PLCL2: variants seen among roughly 807,000 people sequenced by gnomAD.
PLCL2 encodes the protein inactive phospholipase C-like protein 2.
PLCL2 carries 4 observed loss-of-function variants against 79.6 expected under a neutral mutation model. The ratio of observed to expected loss-of-function variants is 0.05; its 90% CI spans 0.02 to 0.11. The LOEUF (loss-of-function observed/expected upper bound fraction) is 0.11, where lower values mean the gene tolerates loss of function less well. Among genes scored for constraint, PLCL2 ranks in the 10% least tolerant of loss-of-function variants. PLCL2 has a pLI of 1.00. For missense variants in PLCL2, 895 were observed against 1,291.0 expected, an observed-to-expected ratio of 0.69 and a Z score of 4.70; for synonymous variants, 484 against 457.7, an observed-to-expected ratio of 1.06 and a Z score of -0.73.
At chr3:17,005,966 A>G (rs1033729931) in intron 1 of PLCL2, among the ~76,000 whole-genome samples, 4 of 152,178 alleles carry the variant, frequency 2.6e-5, no homozygotes, top group African/African-American at 9.7e-5. Flanking sequence ...GAAATAGTTT[A>G]TACTATTTTT....
chr3:17,006,616 A>G (rs2064262670), intron 1 of PLCL2, among the ~76,000 whole-genome samples: 1 of 152,206 alleles, frequency 6.6e-6, no homozygotes, highest in African/African-American at 2.4e-5. Flanking sequence ...GCAACAGCAG[A>G]TGGAGGGAGA....
intron 2 of PLCL2, among the ~76,000 whole-genome samples, chr3:17,013,863 G>A (rs139445651): frequency 6.6e-6 from 1 of 152,278 alleles, no homozygotes; most frequent in African/African-American, 2.4e-5. Context: ...GTAAAATCTT[G>A]ACTCCTTCAC....
At chr3:16,966,251 C>T (rs1232006212) in intron 1 of PLCL2, among the ~76,000 whole-genome samples, 2 of 146,242 alleles carry the variant, frequency 1.4e-5, no homozygotes, top group African/African-American at 5.0e-5. Context: ...TTGTCAAAGG[C>T]CTTTTCTGCA....
At chr3:16,938,447 GT>G (rs1461539757) in intron 1 of PLCL2, among the ~76,000 whole-genome samples, 1 of 152,082 alleles carries the variant, frequency 6.6e-6, no homozygotes, top group East Asian at 1.9e-4. Flanking sequence ...TCCTTACCAC[GT>G]TGTATCTGCG....
intron 1 of PLCL2, among the ~76,000 whole-genome samples, chr3:16,903,356 G>C (rs1696673784): frequency 6.6e-6 from 1 of 152,162 alleles, no homozygotes; most frequent in African/African-American, 2.4e-5. Context: ...TTGATACTAT[G>C]CGTGGTCTGT....
chr3:16,960,239 C>A (rs1263848564), intron 1 of PLCL2, among the ~76,000 whole-genome samples: 1 of 152,200 alleles, frequency 6.6e-6, no homozygotes, highest in Non-Finnish European at 1.5e-5. Context: ...AGAAGCCTCA[C>A]ATAAATCAGC....
intron 1 of PLCL2, among the ~76,000 whole-genome samples, chr3:16,950,080 C>G (rs1481529911): frequency 2.6e-5 from 4 of 152,180 alleles, no homozygotes; most frequent in Non-Finnish European, 5.9e-5. Context: ...TCTGGTAGGA[C>G]AAGACCTTTG....
At position 16,885,129 on chromosome 3, in the gene PLCL2, C is replaced by T. The variant is rs1696180561; in HGVS notation, c.90C>T (p.Ala30=). The T allele has an allele frequency of 8.4e-6, 4 of 476,564 alleles. No individual in the cohort carries two copies. Among genetic ancestry groups the T allele is most frequent in the African/African-American group, 4.1e-5 (2 of 49,098 alleles). The allele number at this position is 476,564 out of a possible 1,614,324, so 29.5% of individuals were successfully genotyped here. A position where few individuals can be genotyped will look rare whatever the true frequency, so the allele number is the denominator to read the frequency against. Residue 30 remains alanine (A), a synonymous_variant, in exon 1 of 6, where the codon GCC becomes GCT. Transcript: ENST00000615277. ...PALGAKGALK[A]GVGEGGGGGG... ...TCGGCGCCAAGGGCGCCCTGAAAGC[C>T]GGAGTGGGGGAAGGCGGTGGCGGGG... is the stretch of plus-strand genomic sequence containing the variant.
At chr3:17,069,184 A>G (rs548033635) in intron 5 of PLCL2, among the ~76,000 whole-genome samples, 87 of 152,306 alleles carry the variant, frequency 5.7e-4, no homozygotes, top group African/African-American at 2.0e-3. Flanking sequence ...GTGGAGGGAC[A>G]TGGGGGAAAT....
intron 1 of PLCL2, among the ~76,000 whole-genome samples, chr3:16,956,615 T>A (rs1263104289): frequency 6.6e-6 from 1 of 152,174 alleles, no homozygotes; most frequent in East Asian, 1.9e-4. Context: ...TACCAGCTCC[T>A]CCTTGTACCT....
intron 1 of PLCL2, among the ~76,000 whole-genome samples, chr3:16,910,002 G>T (rs565412825): frequency 6.6e-6 from 1 of 152,174 alleles, no homozygotes; most frequent in South Asian, 2.1e-4. Context: ...GCCCAAAGCT[G>T]ATCTCTCCAT....
intron 5 of PLCL2, among the ~76,000 whole-genome samples, chr3:17,087,949 GAC>G (rs966473318): frequency 6.6e-6 from 1 of 152,118 alleles, no homozygotes; most frequent in Non-Finnish European, 1.5e-5. Context: ...TTATACTCCT[GAC>G]ACAATATGCT....
At chr3:16,997,783 C>T (rs2064168783) in intron 1 of PLCL2, among the ~76,000 whole-genome samples, 1 of 152,084 alleles carries the variant, frequency 6.6e-6, no homozygotes, top group Non-Finnish European at 1.5e-5. Context: ...CATGATCCAC[C>T]TGCCTCGGCC....
chr3:17,079,497 A>G (rs2065141067), intron 5 of PLCL2, among the ~76,000 whole-genome samples: 1 of 152,210 alleles, frequency 6.6e-6, no homozygotes, highest in Non-Finnish European at 1.5e-5. Flanking sequence ...TTTGTAGCAT[A>G]GAAATCATGC....
At chr3:16,902,966 G>C (rs2124922400) in intron 1 of PLCL2, among the ~76,000 whole-genome samples, 1 of 151,864 alleles carries the variant, frequency 6.6e-6, no homozygotes, top group East Asian at 1.9e-4. Context: ...TAATCTTTGA[G>C]TCTCTTACCA....
At chr3:17,067,394 T>G (rs1009526947) in intron 4 of PLCL2, among the ~76,000 whole-genome samples, 1 of 152,154 alleles carries the variant, frequency 6.6e-6, no homozygotes, top group Non-Finnish European at 1.5e-5. Flanking sequence ...TGAACAGCAG[T>G]AGGGATTATT....
intron 1 of PLCL2, among the ~76,000 whole-genome samples, chr3:16,904,024 A>G (rs944918495): frequency 6.6e-6 from 1 of 152,202 alleles, no homozygotes; most frequent in Non-Finnish European, 1.5e-5. Context: ...TACAGTGGCA[A>G]TGGATATCTT....
In PLCL2 at chr3:17,040,972, T is replaced by C. The variant is rs191536487; in HGVS notation, c.3019-1902T>C. On this transcript the variant is annotated intron_variant, in intron 3 of 5. Coordinates refer to ENST00000615277, the MANE Select transcript of PLCL2 (RefSeq NM_001144382.2). ...GAATGATGGGGGCACAGTTGGCCAGTTCTTTGATACTGAGCTGTAACAATC... is the reference window on the plus strand; with the variant it reads ...GAATGATGGGGGCACAGTTGGCCAGCTCTTTGATACTGAGCTGTAACAATC... Among the ~76,000 whole-genome samples the C allele has an allele frequency of 4.3e-3, 649 of 152,258 alleles. 4 individuals carry two copies. Among genetic ancestry groups the C allele is most frequent in the African/African-American group, 0.015 (604 of 41,548 alleles).
chr3:17,047,976 C>A (rs544452825), intron 4 of PLCL2, among the ~76,000 whole-genome samples: 2 of 152,060 alleles, frequency 1.3e-5, no homozygotes, highest in Admixed American at 1.3e-4. Context: ...TGTGACCAAG[C>A]GATTTATCTT....
Sources: allele counts gnomAD v4.1 joint callset (sites outside exome capture counted in the v4.1 genomes callset), GRCh38; gene constraint gnomAD v4.1.1; transcripts MANE v1.5; gene names NCBI Gene and HGNC (gene_info 2026-07-23, HGNC 2026-07-21).